The following SPHKAP variants were observed in gnomAD, a reference collection of about 807,000 sequenced individuals.
SPHKAP encodes SPHK1 interactor, AKAP domain containing, also known as A-kinase anchor protein SPHKAP.
A neutral mutation model predicts 137.5 loss-of-function variants in SPHKAP; 67 were observed. That is an observed-to-expected ratio of 0.49 (90% CI 0.40 to 0.60). The LOEUF (loss-of-function observed/expected upper bound fraction) is 0.60, where lower values mean the gene tolerates loss of function less well. SPHKAP is among the 20% of genes least tolerant of loss of function. The pLI is 0.00. For missense variants in SPHKAP, 2,097 were observed against 2,069.3 expected (o/e 1.01, Z -0.26); for synonymous variants, 813 against 785.3 (o/e 1.04, Z -0.59).
intron 1 of SPHKAP, among the ~76,000 whole-genome samples, chr2:228,175,427 T>C (rs1574921175): frequency 6.6e-6 from 1 of 152,184 alleles, no homozygotes; most frequent in Non-Finnish European, 1.5e-5. Flanking sequence ...TAATTTGGAA[T>C]GTATACTTGT....
At chr2:228,028,652 G>A (rs1216671928) in intron 3 of SPHKAP, among the ~76,000 whole-genome samples, 1 of 152,124 alleles carries the variant, frequency 6.6e-6, no homozygotes, top group Non-Finnish European at 1.5e-5. Context: ...TGGTATTTAG[G>A]ACAGAAACAT....
At chr2:228,177,846 A>C (rs1299602934) in intron 1 of SPHKAP, among the ~76,000 whole-genome samples, 4 of 152,200 alleles carry the variant, frequency 2.6e-5, no homozygotes, top group Non-Finnish European at 4.4e-5. Context: ...TCAAAAGTTT[A>C]CATTTGATGA....
intron 3 of SPHKAP, among the ~76,000 whole-genome samples, chr2:228,045,017 T>C (rs981051788): frequency 6.6e-6 from 1 of 151,944 alleles, no homozygotes. Flanking sequence ...TCACTGGCCA[T>C]CAGAGAAATG....
At chr2:227,987,617 G>A (rs543642768) in intron 11 of SPHKAP, among the ~76,000 whole-genome samples, 2 of 152,310 alleles carry the variant, frequency 1.3e-5, no homozygotes, top group African/African-American at 2.4e-5. Flanking sequence ...GTCACGAGAG[G>A]AGTATATTGG....
chr2:228,099,340 T>C (rs141565102), intron 3 of SPHKAP, among the ~76,000 whole-genome samples: 65 of 152,310 alleles, frequency 4.3e-4, no homozygotes, highest in Middle Eastern at 3.4e-3. Context: ...GTGGTAGATG[T>C]GCAGCTTTAT....
chr2:228,109,007 CT>C (rs11374866), intron 2 of SPHKAP, 68 bp from the exon 3 acceptor site: 14,570 of 703,318 alleles, frequency 0.021, no homozygotes, highest in South Asian at 0.036. Flanking sequence ...AGCTCTCTCT[CT>C]TTTTTTTTTT....
chr2:228,133,418 G>A (rs975706839), intron 1 of SPHKAP, among the ~76,000 whole-genome samples: 1 of 151,790 alleles, frequency 6.6e-6, no homozygotes, highest in Admixed American at 6.6e-5. Context: ...AATATGACTG[G>A]AAACTCAAAA....
At chr2:228,023,158 A>G (rs531363648) in intron 5 of SPHKAP, among the ~76,000 whole-genome samples, 6 of 152,350 alleles carry the variant, frequency 3.9e-5, no homozygotes, top group African/African-American at 1.2e-4. Flanking sequence ...ATCGTAATAA[A>G]AGGTTCCAAT....
intron 2 of SPHKAP, among the ~76,000 whole-genome samples, chr2:228,110,527 C>T (rs1367789032): frequency 1.3e-5 from 2 of 152,166 alleles, no homozygotes; most frequent in Non-Finnish European, 2.9e-5. Flanking sequence ...AAATATTTTA[C>T]CTAAACTGGT....
At chr2:228,126,456 A>G (rs907488097) in intron 2 of SPHKAP, among the ~76,000 whole-genome samples, 5 of 152,174 alleles carry the variant, frequency 3.3e-5, no homozygotes, top group African/African-American at 7.2e-5. Flanking sequence ...AGTAGTAGCA[A>G]ACATAACTTA....
At chr2:228,059,447 G>C (rs1236616776) in intron 3 of SPHKAP, among the ~76,000 whole-genome samples, 1 of 152,208 alleles carries the variant, frequency 6.6e-6, no homozygotes, top group Non-Finnish European at 1.5e-5. Flanking sequence ...AAGTAGTGAA[G>C]CTAAGCTGCA....
rs537554898 is a variant in SPHKAP at position 228,032,760 on chromosome 2, T to G, written c.247-5217A>C. Among the ~76,000 whole-genome samples, 49 of 152,296 alleles carry G rather than the reference T, an allele frequency of 3.2e-4. No individual in the cohort carries two copies. The South Asian group carries it at 0.01, about 32-fold the overall frequency. On this transcript the variant is annotated intron_variant, in intron 3 of 11. Transcript: ENST00000392056. ...AGAAAAGAATTTTCAACCCAGAATT[T>G]CATATCCAGCCAAACTAAGCTTCAT...
At chr2:228,102,644 G>T (rs1698213902) in intron 3 of SPHKAP, among the ~76,000 whole-genome samples, 1 of 152,186 alleles carries the variant, frequency 6.6e-6, no homozygotes, top group African/African-American at 2.4e-5. Context: ...ACTCCATACA[G>T]TATTTACTGA....
chr2:228,129,798 C>CTT (rs1196344608), intron 2 of SPHKAP, among the ~76,000 whole-genome samples: 56 of 135,516 alleles, frequency 4.1e-4, no homozygotes, highest in African/African-American at 1.2e-3. Context: ...TAATTTTTTT[C>CTT]TTTTTTTTTT....
chr2:228,083,769 C>T (rs2106317987), intron 3 of SPHKAP, among the ~76,000 whole-genome samples: 1 of 152,194 alleles, frequency 6.6e-6, no homozygotes, highest in South Asian at 2.1e-4. Context: ...TAAATGAGAT[C>T]ATGTCCTTTG....
At chr2:227,986,663 G>A (rs1211834634) in intron 11 of SPHKAP, among the ~76,000 whole-genome samples, 1 of 152,116 alleles carries the variant, frequency 6.6e-6, no homozygotes, top group African/African-American at 2.4e-5. Flanking sequence ...AAATTAGAGG[G>A]AGGCACTCCT....
intron 7 of SPHKAP, among the ~76,000 whole-genome samples, chr2:228,006,241 C>T (rs1029855191): frequency 1.3e-5 from 2 of 151,994 alleles, no homozygotes; most frequent in African/African-American, 4.8e-5. Flanking sequence ...GTTCATTTCT[C>T]TTTATTCTTT....
chr2:228,178,515 C>T (rs1000245856), intron 1 of SPHKAP, among the ~76,000 whole-genome samples: 2 of 152,132 alleles, frequency 1.3e-5, no homozygotes, highest in African/African-American at 4.8e-5. Flanking sequence ...TACTATAGAA[C>T]ACACTGGATG....
chr2:228,104,978 C>CT (rs1394614358), intron 3 of SPHKAP, among the ~76,000 whole-genome samples: 2 of 151,948 alleles, frequency 1.3e-5, no homozygotes, highest in Non-Finnish European at 1.5e-5. Flanking sequence ...CTTTCTTTTT[C>CT]TTTTTTTTGA....
Sources: allele counts gnomAD v4.1 joint callset (sites outside exome capture counted in the v4.1 genomes callset), GRCh38; gene constraint gnomAD v4.1.1; transcripts MANE v1.5; gene names NCBI Gene and HGNC (gene_info 2026-07-23, HGNC 2026-07-21).